IMMP2L: variants seen among roughly 807,000 people sequenced by gnomAD.
The protein encoded by IMMP2L is mitochondrial inner membrane protease subunit 2.
A neutral mutation model predicts 19.3 loss-of-function variants in IMMP2L; 18 were observed. That is an observed-to-expected ratio of 0.93 (90% CI 0.64 to 1.38). IMMP2L has a LOEUF of 1.38. Among genes scored for constraint, IMMP2L ranks in the 40% most tolerant of loss-of-function variants. The pLI is 0.00. For missense variants in IMMP2L, 233 were observed against 218.2 expected, an observed-to-expected ratio of 1.07 and a Z score of -0.43; for synonymous variants, 76 against 73.0, an observed-to-expected ratio of 1.04 and a Z score of -0.21.
At chr7:110,786,480 G>C (rs960798481) in intron 5 of IMMP2L, among the ~76,000 whole-genome samples, 4 of 151,910 alleles carry the variant, frequency 2.6e-5, no homozygotes, top group African/African-American at 9.7e-5. Flanking sequence ...GGAAAATGGA[G>C]GAAATGAAAC....
chr7:111,051,390 C>CAGT (rs1235807771), intron 3 of IMMP2L, among the ~76,000 whole-genome samples: 1 of 152,170 alleles, frequency 6.6e-6, no homozygotes, highest in African/African-American at 2.4e-5. Context: ...ATCTAGTGAA[C>CAGT]AGTACACAGG....
intron 4 of IMMP2L, among the ~76,000 whole-genome samples, chr7:110,889,451 A>T (rs1297497682): frequency 1.3e-5 from 2 of 152,118 alleles, no homozygotes; most frequent in South Asian, 2.1e-4. Flanking sequence ...GCATTTCACA[A>T]CAGGGTTCAT....
At chr7:111,300,805 T>G (rs1822137513) in intron 3 of IMMP2L, among the ~76,000 whole-genome samples, 1 of 152,162 alleles carries the variant, frequency 6.6e-6, no homozygotes. Context: ...AGTAGGATTC[T>G]AGGTATATAT....
intron 3 of IMMP2L, among the ~76,000 whole-genome samples, chr7:111,465,037 C>T (rs1032522274): frequency 6.6e-6 from 1 of 152,054 alleles, no homozygotes; most frequent in African/African-American, 2.4e-5. Context: ...CCTTGTGATC[C>T]ACCCGCCTTG....
rs1845549086 is a variant in IMMP2L, at chr7:111,512,593, A to T, written c.135+8720T>A. Among the ~76,000 whole-genome samples the T allele has an allele frequency of 2.0e-5, 3 of 152,124 alleles. 1 individual carries two copies. Among genetic ancestry groups the T allele is most frequent in the African/African-American group, 2.4e-5 (1 of 41,452 alleles). On this transcript the variant is annotated intron_variant, in intron 2 of 5. Coordinates refer to ENST00000405709, the MANE Select transcript of IMMP2L (RefSeq NM_032549.4). ...TTAAAACTCTGATGTCATTTTTCGCAGAAATACACAACACAATCCTAAATT... is the reference window on the plus strand; with the variant it reads ...TTAAAACTCTGATGTCATTTTTCGCTGAAATACACAACACAATCCTAAATT...
At chr7:111,159,572 CAAAA>C (rs1279787907) in intron 3 of IMMP2L, among the ~76,000 whole-genome samples, 1 of 151,972 alleles carries the variant, frequency 6.6e-6, no homozygotes, top group African/African-American at 2.4e-5. Context: ...AGGAAGGAAA[CAAAA>C]TAAATTAATT....
intron 1 of IMMP2L, 137 bp from the exon 2 acceptor site, chr7:111,521,586 A>C (rs1319372863): frequency 3.2e-6 from 2 of 627,442 alleles, no homozygotes; most frequent in Non-Finnish European, 5.1e-6. Flanking sequence ...CATTCCTGTA[A>C]CCATTAGAAT....
chr7:111,079,818 T>C (rs2129576286), intron 3 of IMMP2L, among the ~76,000 whole-genome samples: 1 of 152,242 alleles, frequency 6.6e-6, no homozygotes, highest in Non-Finnish European at 1.5e-5. Flanking sequence ...GTGGGGCCTT[T>C]TGGAGGAAAT....
Position 111,123,816 on chromosome 7 carries a change from C to T in IMMP2L, c.240-160251G>A. 2 of 1,613,974 alleles carry T rather than the reference C, an allele frequency of 1.2e-6. No individual in the cohort carries two copies. The highest frequency in any genetic ancestry group is 1.7e-6 in the Non-Finnish European group (2 of 1,179,966). ...TGCTGAACAGCAATGCTCTCAGTGC[C>T]CTGTACCATGGTACCATTGAGTCTC... On this transcript the variant is annotated intron_variant, in intron 3 of 5. Coordinates refer to ENST00000405709, the MANE Select transcript of IMMP2L (RefSeq NM_032549.4). This position sits in a 1 kb window ranked among gnomAD's most constrained non-coding sequence, Gnocchi z 6.4.
chr7:111,156,553 T>C (rs1804667295), intron 3 of IMMP2L, among the ~76,000 whole-genome samples: 1 of 152,132 alleles, frequency 6.6e-6, no homozygotes. Context: ...ATACTCAGTT[T>C]GCTAAGTCGA....
chr7:111,429,241 G>A (rs891977133), intron 3 of IMMP2L, among the ~76,000 whole-genome samples: 3 of 151,834 alleles, frequency 2.0e-5, no homozygotes, highest in Non-Finnish European at 2.9e-5. Context: ...ACACATGTGG[G>A]GCCTGGGGAA....
intron 4 of IMMP2L, among the ~76,000 whole-genome samples, chr7:110,956,662 T>C (rs940048615): frequency 2.0e-5 from 3 of 151,968 alleles, no homozygotes; most frequent in African/African-American, 7.2e-5. Context: ...GGTCATCTTC[T>C]TCACTAGGGA....
At chr7:110,984,229 T>G (rs2129558536) in intron 3 of IMMP2L, among the ~76,000 whole-genome samples, 1 of 151,796 alleles carries the variant, frequency 6.6e-6, no homozygotes, top group Non-Finnish European at 1.5e-5. Flanking sequence ...ACGTCAGATA[T>G]CAGATTAATT....
intron 3 of IMMP2L, among the ~76,000 whole-genome samples, chr7:111,018,153 G>A (rs1825894143): frequency 6.6e-6 from 1 of 152,132 alleles, no homozygotes; most frequent in African/African-American, 2.4e-5. Flanking sequence ...TCAGAAGGAG[G>A]AGGAATGTAA....
intron 3 of IMMP2L, among the ~76,000 whole-genome samples, chr7:111,150,612 C>T (rs1214876965): frequency 6.6e-6 from 1 of 152,102 alleles, no homozygotes; most frequent in Non-Finnish European, 1.5e-5. Context: ...TGTGTTTTGT[C>T]CTTTGTTTTT....
intron 5 of IMMP2L, among the ~76,000 whole-genome samples, chr7:110,857,111 C>T (rs1440698960): frequency 6.6e-6 from 1 of 152,018 alleles, no homozygotes; most frequent in Non-Finnish European, 1.5e-5. Context: ...TATTTGTGTG[C>T]CATAGATAAT....
intron 3 of IMMP2L, among the ~76,000 whole-genome samples, chr7:111,463,102 A>G (rs1356546412): frequency 6.6e-6 from 1 of 151,906 alleles, no homozygotes; most frequent in Non-Finnish European, 1.5e-5. Flanking sequence ...CCTTTCTCCT[A>G]GTTTCTGGCA....
chr7:111,328,944 GA>G (rs962925432), intron 3 of IMMP2L, among the ~76,000 whole-genome samples: 11 of 149,646 alleles, frequency 7.4e-5, no homozygotes, highest in African/African-American at 2.7e-4. Flanking sequence ...ATAACACAGA[GA>G]AAAAAAAAGC....
intron 3 of IMMP2L, among the ~76,000 whole-genome samples, chr7:111,016,466 TTATG>T (rs1356909162): frequency 2.3e-5 from 3 of 133,210 alleles, no homozygotes; most frequent in African/African-American, 8.4e-5. Context: ...ATATATATAT[TTATG>T]TAGTTTATAC....
Sources: gnomAD v4.1 joint callset for allele counts (sites outside exome capture counted in the v4.1 genomes callset) on GRCh38, gnomAD v4.1.1 for gene constraint, Gnocchi (gnomAD v3.1) non-coding constraint, MANE v1.5 for transcripts, NCBI Gene and HGNC (gene_info 2026-07-23, HGNC 2026-07-21) for gene names.